SLC12A2: variants seen among roughly 807,000 people sequenced by gnomAD.
The protein encoded by SLC12A2 is solute carrier family 12 member 2.
In SLC12A2, 67 loss-of-function variants were observed where a neutral mutation model predicts 136.3. The ratio of observed to expected loss-of-function variants is 0.49; its 90% CI spans 0.40 to 0.60. SLC12A2 has a LOEUF of 0.60. SLC12A2 is among the 20% of genes least tolerant of loss of function. The probability of loss-of-function intolerance (pLI) is 0.00; values close to 1 mark genes in which losing one functional copy is unlikely to be tolerated. For synonymous variants in SLC12A2, 619 were observed against 562.9 expected, an observed-to-expected ratio of 1.10 and a Z score of -1.41; for missense variants, 1,322 against 1,534.7, an observed-to-expected ratio of 0.86 and a Z score of 2.32.
chr5:128,187,856 C>T lies in SLC12A2; in HGVS notation c.*1225C>T, dbSNP rs1213253012. 1.3e-5 allele frequency: 2 copies of T among 152,494 alleles called. No homozygotes were observed. The highest frequency in any genetic ancestry group is 4.8e-5 in the African/African-American group (2 of 41,400). The allele number at this position is 152,494 out of a possible 1,614,324, so 9.4% of individuals were successfully genotyped here. ...ATAGTCTAGTAAAATTTTGACAGTGCATATGTACTGTTACTAAAAGCTTTA... is the reference window on the plus strand; with the variant it reads ...ATAGTCTAGTAAAATTTTGACAGTGTATATGTACTGTTACTAAAAGCTTTA... On this transcript the variant is annotated 3_prime_UTR_variant, in exon 27 of 27. Transcript: ENST00000262461.
rs1761270032 is a variant in SLC12A2 at position 128,114,386 on chromosome 5, C to T, written c.952+99C>T. 5.3e-6 allele frequency: 5 copies of T among 938,110 alleles called. No individual in the cohort carries two copies. In the Middle Eastern group the frequency reaches 8.8e-4, roughly 164 times the overall value. 58.1% of individuals were successfully genotyped at this position (938,110 alleles called of 1,614,324 possible). A position where few individuals can be genotyped will look rare whatever the true frequency, so the allele number is the denominator to read the frequency against. The stretch of plus-strand genomic sequence containing the variant: ...CTCAAGAAATTAGAGTCATTTTTAA[C>T]TACGTTTTCCTTTATATCAGATTGT... On this transcript the variant is annotated intron_variant, in intron 3 of 26. Transcript: ENST00000262461.
intron 4 of SLC12A2, among the ~76,000 whole-genome samples, chr5:128,120,508 A>G (rs1381251518): frequency 6.6e-6 from 1 of 151,662 alleles, no homozygotes; most frequent in Non-Finnish European, 1.5e-5. Context: ...GCACATATAC[A>G]CCATGGAATA....
At chr5:128,102,367 G>C (rs568785377) in intron 1 of SLC12A2, among the ~76,000 whole-genome samples, 10 of 151,890 alleles carry the variant, frequency 6.6e-5, no homozygotes, top group African/African-American at 2.2e-4. Context: ...CCACAAAATA[G>C]CCACTACCCT....
At position 128,131,055 on chromosome 5, in the gene SLC12A2, G is replaced by C; in HGVS notation, c.1049-12G>C. 1 of 1,608,460 alleles carries C rather than the reference G, an allele frequency of 6.2e-7. No homozygotes were observed. The highest frequency in any genetic ancestry group is 8.5e-7 in the Non-Finnish European group (1 of 1,178,012). Reference sequence around the variant, plus strand: ...TAGTACCTGTTTTTTTTGTTTGTTTGTTTGTTTTTAGGAGGAGCATATTAT... The same window carrying C: ...TAGTACCTGTTTTTTTTGTTTGTTTCTTTGTTTTTAGGAGGAGCATATTAT... On this transcript the variant is annotated splice_polypyrimidine_tract_variant and intron_variant, in intron 4 of 26. Coordinates refer to ENST00000262461, the MANE Select transcript of SLC12A2 (RefSeq NM_001046.3).
rs70997362 is a variant in SLC12A2, at chr5:128,102,596, C to CTTTTTTTTTTTTTTTTTTTTTTTTTTTTT, written c.757-10215_757-10187dup. Among the ~76,000 whole-genome samples, 4 of 40,464 alleles carry CTTTTTTTTTTTTTTTTTTTTTTTTTTTTT rather than the reference C, an allele frequency of 9.9e-5. 1 individual carries two copies. Among genetic ancestry groups the CTTTTTTTTTTTTTTTTTTTTTTTTTTTTT allele is most frequent in the Admixed American group, 3.1e-4 (1 of 3,258 alleles). The allele number at this position is 40,464 out of a possible 152,430, so 26.5% of individuals were successfully genotyped here. On this transcript the variant is annotated intron_variant, in intron 1 of 26. Coordinates refer to ENST00000262461, the MANE Select transcript of SLC12A2 (RefSeq NM_001046.3). The stretch of plus-strand genomic sequence containing the variant: ...TTCTGTAATTCACCCCCCCCCCCGC[C>CTTTTTTTTTTTTTTTTTTTTTTTTTTTTT]TTTTTTTTTTTTTTTTTTTTTTTTT...
At chr5:128,085,799 G>T (rs1407459687) in intron 1 of SLC12A2, among the ~76,000 whole-genome samples, 1 of 152,136 alleles carries the variant, frequency 6.6e-6, no homozygotes. Context: ...GATTGTACTT[G>T]TCCCAGTGTT....
At chr5:128,089,169 CAAAAAA>C (rs34686489) in intron 1 of SLC12A2, among the ~76,000 whole-genome samples, 1 of 119,780 alleles carries the variant, frequency 8.3e-6, no homozygotes, top group Non-Finnish European at 1.7e-5. Context: ...ACTTTGTCTC[CAAAAAA>C]AAAAAAAAAA....
intron 4 of SLC12A2, among the ~76,000 whole-genome samples, chr5:128,121,214 A>C (rs1304749715): frequency 6.6e-6 from 1 of 152,240 alleles, no homozygotes; most frequent in Non-Finnish European, 1.5e-5. Context: ...GTCTCATGTA[A>C]TGGAAACATG....
intron 20 of SLC12A2, among the ~76,000 whole-genome samples, chr5:128,176,166 C>A (rs932691397): frequency 6.6e-6 from 1 of 151,952 alleles, no homozygotes; most frequent in African/African-American, 2.4e-5. Flanking sequence ...AAAGAACACC[C>A]TTCAAATACT....
At chr5:128,148,905 T>C in intron 12 of SLC12A2, 28 bp downstream of exon 12, 1 of 1,554,498 alleles carries the variant, frequency 6.4e-7, no homozygotes. Context: ...TGTGTTATTG[T>C]AGATTTTTGG....
chr5:128,112,685 C>A (rs1055078684), intron 1 of SLC12A2, 129 bp from the exon 2 acceptor site: 9 of 581,530 alleles, frequency 1.5e-5, no homozygotes, highest in Non-Finnish European at 5.6e-6. Flanking sequence ...TATTTGGAAA[C>A]CCTTGATTCT....
chr5:128,131,309 A>G (rs766394596), intron 5 of SLC12A2, 103 bp downstream of exon 5: 296 of 1,139,678 alleles, frequency 2.6e-4, no homozygotes, highest in Non-Finnish European at 3.3e-4. Flanking sequence ...ATGATGACCA[A>G]GAGATTCGTC....
intron 4 of SLC12A2, among the ~76,000 whole-genome samples, chr5:128,117,255 C>T (rs10060390): frequency 0.35 from 52,541 of 151,920 alleles, 11,693 homozygotes; most frequent in African/African-American, 0.63. Context: ...AAGAGTCAAC[C>T]TAAAGGAGCT....
intron 26 of SLC12A2, among the ~76,000 whole-genome samples, chr5:128,185,446 A>G (rs1164751523): frequency 6.6e-6 from 1 of 152,152 alleles, no homozygotes; most frequent in Non-Finnish European, 1.5e-5. Flanking sequence ...TTAGATAGGA[A>G]AGCTCAGGCC....
At chr5:128,097,784 G>A (rs1371864892) in intron 1 of SLC12A2, among the ~76,000 whole-genome samples, 1 of 152,024 alleles carries the variant, frequency 6.6e-6, no homozygotes, top group African/African-American at 2.4e-5. Flanking sequence ...AGAAAAATAT[G>A]TATGGTTTTT....
intron 1 of SLC12A2, among the ~76,000 whole-genome samples, chr5:128,104,827 C>T (rs1207980706): frequency 6.6e-6 from 1 of 151,856 alleles, no homozygotes; most frequent in Non-Finnish European, 1.5e-5. Flanking sequence ...GGAGGTATTT[C>T]TACAAAGTAT....
chr5:128,092,634 A>G (rs542319171), intron 1 of SLC12A2, among the ~76,000 whole-genome samples: 104 of 152,354 alleles, frequency 6.8e-4, no homozygotes, highest in African/African-American at 2.4e-3. Context: ...TAAAACATTT[A>G]TAATGAGATA....
rs1763961367 is a variant in SLC12A2 at position 128,189,032 on chromosome 5, AT to A, written c.*2402del. Reference sequence around the variant, plus strand: ...CATGTGGGTATAAAGTACATAAAATATATCTAACTATTCATAATGTGGGGTG... The same window carrying A: ...CATGTGGGTATAAAGTACATAAAATAATCTAACTATTCATAATGTGGGGTG... On this transcript the variant is annotated 3_prime_UTR_variant, in exon 27 of 27. Transcript: ENST00000262461. 6.6e-6 allele frequency: 1 copy of A among 152,230 alleles called. No homozygotes were observed. Among genetic ancestry groups the A allele is most frequent in the Non-Finnish European group, 1.5e-5 (1 of 67,994 alleles). 9.4% of individuals were successfully genotyped at this position (152,230 alleles called of 1,614,324 possible).
At chr5:128,101,219 A>G (rs1385588820) in intron 1 of SLC12A2, among the ~76,000 whole-genome samples, 3 of 152,150 alleles carry the variant, frequency 2.0e-5, no homozygotes, top group Admixed American at 2.0e-4. Context: ...CTTTAGGATG[A>G]TATAATTGGC....
Sources: allele counts gnomAD v4.1 joint callset (sites outside exome capture counted in the v4.1 genomes callset), GRCh38; gene constraint gnomAD v4.1.1; transcripts MANE v1.5; gene names NCBI Gene and HGNC (gene_info 2026-07-23, HGNC 2026-07-21).